MBD2: variants seen among roughly 807,000 people sequenced by gnomAD.
MBD2 encodes methyl-CpG-binding domain protein 2.
MBD2 carries 9 observed loss-of-function variants against 39.3 expected under a neutral mutation model. That is an observed-to-expected ratio of 0.23 (90% CI 0.14 to 0.40). The LOEUF is 0.40. MBD2 is among the 10% of genes least tolerant of loss of function. The probability of loss-of-function intolerance (pLI) is 1.00; values close to 1 mark genes in which losing one functional copy is unlikely to be tolerated. For missense variants in MBD2, 458 were observed against 532.6 expected, an observed-to-expected ratio of 0.86 and a Z score of 1.38; for synonymous variants, 233 against 211.1, an observed-to-expected ratio of 1.10 and a Z score of -0.90.
At chr18:54,176,357 T>G (rs1213807734) in intron 3 of MBD2, among the ~76,000 whole-genome samples, 1 of 152,236 alleles carries the variant, frequency 6.6e-6, no homozygotes, top group East Asian at 1.9e-4. Context: ...ACTAATAAAA[T>G]ATGAGAAAGT....
chr18:54,221,435 G>A (rs1390029314), intron 1 of MBD2, among the ~76,000 whole-genome samples: 2 of 149,552 alleles, frequency 1.3e-5, no homozygotes, highest in Admixed American at 6.7e-5. Context: ...TCCAGCCTGG[G>A]CAACAGAGCA....
intron 3 of MBD2, among the ~76,000 whole-genome samples, chr18:54,184,860 G>A (rs2086273954): frequency 1.3e-5 from 2 of 152,236 alleles, no homozygotes; most frequent in African/African-American, 4.8e-5. Context: ...ATTTTTAAGT[G>A]TTATAGGACA....
intron 5 of MBD2, among the ~76,000 whole-genome samples, chr18:54,163,431 T>C (rs1410745037): frequency 1.3e-5 from 2 of 152,214 alleles, no homozygotes; most frequent in South Asian, 2.1e-4. Flanking sequence ...ATTTTTAATA[T>C]ACTATAATAT....
At position 54,159,693 on chromosome 18, in the gene MBD2, A is replaced by C. The variant is rs1006859247; in HGVS notation, c.*12+72T>G. The C allele has an allele frequency of 1.4e-5, 22 of 1,533,098 alleles. No individual in the cohort carries two copies. The African/African-American group carries it at 2.6e-4, about 18-fold the overall frequency. 95.0% of individuals were successfully genotyped at this position (1,533,098 alleles called of 1,614,324 possible). ...TCAGCCACCCAAGTGCTGGGATTAC[A>C]GGCAGAAGCACTATGTCCGGCCAAG... On this transcript the variant is annotated intron_variant, in intron 6 of 6. Transcript: ENST00000256429.
chr18:54,173,572 A>G (rs2086192382), intron 3 of MBD2, among the ~76,000 whole-genome samples: 1 of 152,226 alleles, frequency 6.6e-6, no homozygotes, highest in Non-Finnish European at 1.5e-5. Flanking sequence ...TTCTTAAAAG[A>G]AGGAGAACAA....
Position 54,153,379 on chromosome 18 carries a change from T to C in MBD2, c.*1945A>G, listed in dbSNP as rs984548156. ...TCTTGTGGGTATATTGGGAACACCCTGGACTTATGGGATGGTCCCCAAGGG... is the reference window on the plus strand; with the variant it reads ...TCTTGTGGGTATATTGGGAACACCCCGGACTTATGGGATGGTCCCCAAGGG... On this transcript the variant is annotated 3_prime_UTR_variant, in exon 7 of 7. Coordinates refer to ENST00000256429, the MANE Select transcript of MBD2 (RefSeq NM_003927.5). The C allele has an allele frequency of 1.3e-5, 2 of 152,022 alleles. No homozygotes were observed. The highest frequency in any genetic ancestry group is 2.4e-5 in the African/African-American group (1 of 41,380). The allele number at this position is 152,022 out of a possible 1,614,324, so 9.4% of individuals were successfully genotyped here. A position where few individuals can be genotyped will look rare whatever the true frequency, so the allele number is the denominator to read the frequency against.
intron 2 of MBD2, among the ~76,000 whole-genome samples, chr18:54,191,358 G>T (rs1353622918): frequency 6.6e-6 from 1 of 152,202 alleles, no homozygotes; most frequent in East Asian, 1.9e-4. Flanking sequence ...TTTGATGGCA[G>T]GTGGATCAAG....
intron 2 of MBD2, chr18:54,203,241 A>C (rs1419099155): frequency 1.6e-5 from 17 of 1,055,280 alleles, no homozygotes; most frequent in Non-Finnish European, 2.3e-5. Flanking sequence ...CAGTAATCTA[A>C]AAGTACTCTT....
intron 3 of MBD2, among the ~76,000 whole-genome samples, chr18:54,187,377 C>T (rs2086293065): frequency 6.6e-6 from 1 of 152,082 alleles, no homozygotes; most frequent in South Asian, 2.1e-4. Context: ...TTTCAAAATT[C>T]TCAATTAATA....
rs576502002 is a variant in MBD2, at chr18:54,161,267, G to A, written c.1110-1364C>T. On this transcript the variant is annotated intron_variant, in intron 5 of 6. Coordinates refer to ENST00000256429, the MANE Select transcript of MBD2 (RefSeq NM_003927.5). ...ATTAAACTCCAAAACACCACAAAGA[G>A]TTAAAAGGTATAGACTTCCACTTAT... Among the ~76,000 whole-genome samples, 5 of 152,326 alleles carry A rather than the reference G, an allele frequency of 3.3e-5. No individual in the cohort carries two copies. In the South Asian group the frequency reaches 8.3e-4, roughly 25 times the overall value.
intron 5 of MBD2, among the ~76,000 whole-genome samples, chr18:54,163,506 T>G (rs774464013): frequency 3.6e-4 from 55 of 152,212 alleles, no homozygotes; most frequent in South Asian, 1.0e-3. Flanking sequence ...AAAACCCACA[T>G]AAGAATTGCT....
intron 2 of MBD2, among the ~76,000 whole-genome samples, chr18:54,200,102 T>C (rs1363688764): frequency 6.6e-6 from 1 of 152,182 alleles, no homozygotes; most frequent in Non-Finnish European, 1.5e-5. Context: ...AAATAAATAA[T>C]GGCAGACTTA....
In MBD2 at chr18:54,152,144, G is replaced by A. The variant is rs925929935; in HGVS notation, c.*3180C>T. On this transcript the variant is annotated 3_prime_UTR_variant, in exon 7 of 7. Transcript: ENST00000256429. The stretch of plus-strand genomic sequence containing the variant: ...TACAAAGTGCGGTGGGAACAGGGAA[G>A]GCGGGAAAGAACATCTGCCTGAAGA... 2 of 152,216 alleles carry A rather than the reference G, an allele frequency of 1.3e-5. No individual in the cohort carries two copies. The highest frequency in any genetic ancestry group is 4.8e-5 in the African/African-American group (2 of 41,436). The allele number at this position is 152,216 out of a possible 1,614,324, so 9.4% of individuals were successfully genotyped here. A position where few individuals can be genotyped will look rare whatever the true frequency, so the allele number is the denominator to read the frequency against.
At chr18:54,223,097 T>C (rs573306928) in intron 1 of MBD2, among the ~76,000 whole-genome samples, 22 of 152,356 alleles carry the variant, frequency 1.4e-4, no homozygotes, top group African/African-American at 3.6e-4. Context: ...CTTCTATCAA[T>C]AGCATGGCTT....
At chr18:54,193,202 A>C (rs550035590) in intron 2 of MBD2, among the ~76,000 whole-genome samples, 10 of 152,320 alleles carry the variant, frequency 6.6e-5, no homozygotes, top group African/African-American at 2.2e-4. Flanking sequence ...TCTACAGTTT[A>C]GTTTAGAATC....
chr18:54,163,469 A>T (rs1419917235), intron 5 of MBD2, among the ~76,000 whole-genome samples: 1 of 152,152 alleles, frequency 6.6e-6, no homozygotes, highest in Non-Finnish European at 1.5e-5. Context: ...GTACAGTATC[A>T]CTATAAAATA....
chr18:54,177,312 C>T (rs970917317), intron 3 of MBD2, among the ~76,000 whole-genome samples: 1 of 152,112 alleles, frequency 6.6e-6, no homozygotes, highest in Non-Finnish European at 1.5e-5. Context: ...TTATATAGCA[C>T]CTGTTAATCA....
At chr18:54,156,412 TTTG>T (rs1220322602) in intron 6 of MBD2, among the ~76,000 whole-genome samples, 1 of 152,168 alleles carries the variant, frequency 6.6e-6, no homozygotes, top group Non-Finnish European at 1.5e-5. Context: ...TCAACATTAG[TTTG>T]TTATTACTAT....
In MBD2 at chr18:54,166,638, C is replaced by T. The variant is rs141901496; in HGVS notation, c.841-472G>A. Among the ~76,000 whole-genome samples, 563 of 152,302 alleles carry T rather than the reference C, an allele frequency of 3.7e-3. 5 individuals are homozygous for T. Among genetic ancestry groups the T allele is most frequent in the African/African-American group, 0.013 (523 of 41,552 alleles). Reference sequence around the variant, plus strand: ...CAATGAAGTTTAGCCCTTTAGCACACTTTAAGGGAGAAAAGACCATTTTCA... The same window carrying T: ...CAATGAAGTTTAGCCCTTTAGCACATTTTAAGGGAGAAAAGACCATTTTCA... On this transcript the variant is annotated intron_variant, in intron 3 of 6. Coordinates refer to ENST00000256429, the MANE Select transcript of MBD2 (RefSeq NM_003927.5).
Sources: gnomAD v4.1 joint callset for allele counts (sites outside exome capture counted in the v4.1 genomes callset) on GRCh38, gnomAD v4.1.1 for gene constraint, MANE v1.5 for transcripts, NCBI Gene and HGNC (gene_info 2026-07-23, HGNC 2026-07-21) for gene names.